The following FN3K variants were observed in gnomAD, a reference collection of about 807,000 sequenced individuals.
The protein encoded by FN3K is fructosamine 3 kinase.
A neutral mutation model predicts 24.8 loss-of-function variants in FN3K; 24 were observed. The observed-to-expected ratio is 0.97, with a 90% CI of 0.70 to 1.36. The LOEUF is 1.36. Ranked by LOEUF, FN3K falls within the 40% of genes most tolerant of loss-of-function variation. The pLI, the probability that FN3K is intolerant of heterozygous loss-of-function variation, is 0.00. For synonymous variants in FN3K, 192 were observed against 175.2 expected (o/e 1.10, Z -0.76); for missense variants, 449 against 416.7 (o/e 1.08, Z -0.67).
At chr17:82,746,432 G>A (rs1044083597) in intron 4 of FN3K, among the ~76,000 whole-genome samples, 1 of 151,994 alleles carries the variant, frequency 6.6e-6, no homozygotes, top group African/African-American at 2.4e-5. Context: ...TGCGTATTTA[G>A]GATATGAGTG....
chr17:82,748,875 C>T lies in FN3K; in HGVS notation c.489C>T (p.Asp163=), dbSNP rs772288190. 1 of 1,613,172 alleles carries T rather than the reference C, an allele frequency of 6.2e-7. No individual in the cohort carries two copies. The highest frequency in any genetic ancestry group is 2.2e-5 in the East Asian group (1 of 44,884). Residue 163 remains aspartate (D), a synonymous_variant, in exon 5 of 6, where the codon GAC becomes GAT. Coordinates refer to ENST00000300784, the MANE Select transcript of FN3K (RefSeq NM_022158.4). ...TCCAGGTGAATGAGTGGCAGGATGA[C>T]TGGCCGACCTTTTTCGCCCGGCACC... ...FIPQVNEWQD[D]WPTFFARHRL...
chr17:82,750,550 C>A lies in FN3K; in HGVS notation c.725C>A (p.Ser242Tyr). The A allele has an allele frequency of 6.2e-7, 1 of 1,614,154 alleles. No homozygotes were observed. The highest frequency in any genetic ancestry group is 8.5e-7 in the Non-Finnish European group (1 of 1,180,024). ...GACCCGGCTTCCTTCTATGGCCATTCCGAGTTTGAACTGGCAATCGCCTTG... is the reference window on the plus strand; with the variant it reads ...GACCCGGCTTCCTTCTATGGCCATTACGAGTTTGAACTGGCAATCGCCTTG... ...IYDPASFYGH[S>Y]EFELAIALMF... Residue 242 changes from serine (S) to tyrosine (Y), a missense_variant, in exon 6 of 6, where the codon TCC becomes TAC. Physicochemically the swap from Ser to Tyr is moderately radical, Grantham distance 144. Coordinates refer to ENST00000300784, the MANE Select transcript of FN3K (RefSeq NM_022158.4).
intron 2 of FN3K, 78 bp from the exon 3 acceptor site, chr17:82,740,685 C>T: frequency 9.9e-7 from 1 of 1,007,440 alleles, no homozygotes; most frequent in Non-Finnish European, 1.5e-6. Flanking sequence ...GTATTTAAAC[C>T]TTTCTCAAAA....
intron 1 of FN3K, chr17:82,737,624 G>A (rs1731133785): frequency 6.6e-6 from 1 of 152,164 alleles, no homozygotes; most frequent in Non-Finnish European, 1.5e-5. Context: ...GCACGGCGGT[G>A]GAACTCCATC....
In FN3K at chr17:82,738,542, G is replaced by A. The variant is rs756428032; in HGVS notation, c.195G>A (p.Thr65=). Residue 65 remains threonine, a synonymous_variant, in exon 2 of 6, where the codon ACG becomes ACA. Transcript: ENST00000300784. ...EVASLEALRS[T]GLVRVPRPMK... ...CCAGCCTGGAGGCCCTCAGGAGCAC[G>A]GGCCTGGTGCGGGTGCCGAGGCCCA... 5 of 1,612,586 alleles carry A rather than the reference G, an allele frequency of 3.1e-6. No homozygotes were observed. The highest frequency in any genetic ancestry group is 3.4e-6 in the Non-Finnish European group (4 of 1,179,374).
chr17:82,743,305 CTGTT>C (rs2046950985), intron 4 of FN3K, among the ~76,000 whole-genome samples: 1 of 152,228 alleles, frequency 6.6e-6, no homozygotes, highest in Non-Finnish European at 1.5e-5. Flanking sequence ...GGGGGCTAGT[CTGTT>C]TGGAGCACAG....
At chr17:82,742,320 T>A (rs2046945683) in intron 4 of FN3K, among the ~76,000 whole-genome samples, 1 of 152,110 alleles carries the variant, frequency 6.6e-6, no homozygotes, top group African/African-American at 2.4e-5. Flanking sequence ...GGATTACAGG[T>A]GTGAGCCACC....
Position 82,735,631 on chromosome 17 carries a change from C to A in FN3K, c.-6C>A. The A allele has an allele frequency of 6.6e-7, 1 of 1,523,132 alleles. No individual in the cohort carries two copies. Among genetic ancestry groups the A allele is most frequent in the East Asian group, 2.6e-5 (1 of 38,682 alleles). The allele number at this position is 1,523,132 out of a possible 1,614,324, so 94.4% of individuals were successfully genotyped here. The stretch of plus-strand genomic sequence containing the variant: ...CGAGCGAGCAGAGTCCCGCGCCCCG[C>A]ACTCCATGGAGCAGCTGCTGCGCGC... On this transcript the variant is annotated 5_prime_UTR_variant, in exon 1 of 6. Coordinates refer to ENST00000300784, the MANE Select transcript of FN3K (RefSeq NM_022158.4).
chr17:82,750,946 C>CT lies in FN3K; in HGVS notation c.*191_*192insT, dbSNP rs2047028902. The CT allele has an allele frequency of 6.3e-5, 18 of 287,294 alleles. No individual in the cohort carries two copies. Among genetic ancestry groups the CT allele is most frequent in the African/African-American group, 8.3e-5 (1 of 12,034 alleles). 17.8% of individuals were successfully genotyped at this position (287,294 alleles called of 1,614,324 possible). On this transcript the variant is annotated 3_prime_UTR_variant, in exon 6 of 6. Coordinates refer to ENST00000300784, the MANE Select transcript of FN3K (RefSeq NM_022158.4). ...TCCCCGTCCCTCCATCCCTGTCCCC[C>CT]GTCCCCCTGTCCCCCTGTCCACATA...
At chr17:82,743,199 C>T (rs889058161) in intron 4 of FN3K, among the ~76,000 whole-genome samples, 8 of 152,174 alleles carry the variant, frequency 5.3e-5, no homozygotes, top group Non-Finnish European at 1.0e-4. Flanking sequence ...CTGCAAGTGG[C>T]GGGCTCTACA....
Position 82,748,904 on chromosome 17 carries a change from TC to T in FN3K, c.520del (p.Gln174ArgfsTer25), listed in dbSNP as rs749717948. ...DWPTFFARHR[L>X]QAQLDLIEKD... ...CCGACCTTTTTCGCCCGGCACCGGC[TC>T]CAGGCGCAGCTGGACCTCATTGAGA... On this transcript the variant is annotated frameshift_variant, in exon 5 of 6. Coordinates refer to ENST00000300784, the MANE Select transcript of FN3K (RefSeq NM_022158.4). LOFTEE classifies it high-confidence loss of function. The T allele has an allele frequency of 6.2e-7, 1 of 1,613,968 alleles. No individual in the cohort carries two copies. The highest frequency in any genetic ancestry group is 1.1e-5 in the South Asian group (1 of 91,070).
chr17:82,741,390 G>T lies in FN3K; in HGVS notation c.465G>T (p.Pro155=), dbSNP rs756986554. Residue 155 remains proline, a synonymous_variant, in exon 4 of 6, where the codon CCG becomes CCT. Transcript: ENST00000300784. ...FHTVTCCGFI[P]QVNEWQDDWP... is the part of the protein sequence containing the mutation. ...CGGTGACGTGCTGCGGCTTCATCCC[G>T]CAGGTGAGTGCCTGGGTGAGGGTGT... The T allele has an allele frequency of 6.2e-7, 1 of 1,612,578 alleles. No individual in the cohort carries two copies. The highest frequency in any genetic ancestry group is 8.5e-7 in the Non-Finnish European group (1 of 1,179,356).
At chr17:82,749,012 G>T in intron 5 of FN3K, 35 bp downstream of exon 5, 3 of 1,613,656 alleles carry the variant, frequency 1.9e-6, no homozygotes, top group East Asian at 4.5e-5. Flanking sequence ...GGAAAGAGCT[G>T]GTCCTCTCAT....
intron 1 of FN3K, chr17:82,738,226 G>A (rs1336708089): frequency 2.0e-6 from 1 of 503,026 alleles, no homozygotes; most frequent in Non-Finnish European, 3.6e-6. Flanking sequence ...CCCACACGTG[G>A]CCTGTGCATC....
intron 1 of FN3K, chr17:82,738,110 G>A (rs917886166): frequency 2.7e-5 from 6 of 223,284 alleles, no homozygotes; most frequent in Admixed American, 5.0e-5. Flanking sequence ...GGCCTCTGCT[G>A]TGGCTGCCCC....
chr17:82,748,846 G>C lies in FN3K; in HGVS notation c.469-9G>C, dbSNP rs1354667033. 1.7e-6 allele frequency: 2 copies of C among 1,165,756 alleles called. No homozygotes were observed. The highest frequency in any genetic ancestry group is 2.3e-6 in the Non-Finnish European group (2 of 867,954). The allele number at this position is 1,165,756 out of a possible 1,614,324, so 72.2% of individuals were successfully genotyped here. ...TTGCAACAGTGGCCTCTTTTCCCTTGTTGTCCAGGTGAATGAGTGGCAGGA... is the reference window on the plus strand; with the variant it reads ...TTGCAACAGTGGCCTCTTTTCCCTTCTTGTCCAGGTGAATGAGTGGCAGGA... On this transcript the variant is annotated splice_polypyrimidine_tract_variant and intron_variant, in intron 4 of 5. Coordinates refer to ENST00000300784, the MANE Select transcript of FN3K (RefSeq NM_022158.4).
At chr17:82,744,676 G>T (rs562019600) in intron 4 of FN3K, among the ~76,000 whole-genome samples, 34 of 152,244 alleles carry the variant, frequency 2.2e-4, no homozygotes, top group Admixed American at 1.4e-3. Flanking sequence ...GGAGGATCCC[G>T]CCAGCCTCTG....
At position 82,738,509 on chromosome 17, in the gene FN3K, G is replaced by A. The variant is rs542547673; in HGVS notation, c.162G>A (p.Gly54=). 2.0e-5 allele frequency: 32 copies of A among 1,611,802 alleles called. No individual in the cohort carries two copies. In the South Asian group the frequency reaches 3.3e-4, roughly 17 times the overall value. ...TGCAGGCCCGGCAGATGTTTGAGGGGGAGGTGGCCAGCCTGGAGGCCCTCA... is the reference window on the plus strand; with the variant it reads ...TGCAGGCCCGGCAGATGTTTGAGGGAGAGGTGGCCAGCCTGGAGGCCCTCA... ...RRTQARQMFE[G]EVASLEALRS... Residue 54 remains glycine (G), a synonymous_variant, in exon 2 of 6, where the codon GGG becomes GGA. Transcript: ENST00000300784.
intron 1 of FN3K, among the ~76,000 whole-genome samples, chr17:82,737,240 G>T (rs1233399994): frequency 1.3e-5 from 2 of 152,192 alleles, no homozygotes; most frequent in Non-Finnish European, 2.9e-5. Flanking sequence ...CATGAGGTTT[G>T]ATTTTTTTAA....
Sources: gnomAD v4.1 joint callset for allele counts (sites outside exome capture counted in the v4.1 genomes callset) on GRCh38, gnomAD v4.1.1 for gene constraint, MANE v1.5 for transcripts, NCBI Gene and HGNC (gene_info 2026-07-23, HGNC 2026-07-21) for gene names.